The following PTPRK variants were observed in gnomAD, a reference collection of about 807,000 sequenced individuals.
The protein encoded by PTPRK is protein tyrosine phosphatase receptor type K.
PTPRK carries 75 observed loss-of-function variants against 178.0 expected under a neutral mutation model. The ratio of observed to expected loss-of-function variants is 0.42; its 90% confidence interval spans 0.35 to 0.51. The LOEUF (loss-of-function observed/expected upper bound fraction) is 0.51, where lower values mean the gene tolerates loss of function less well. PTPRK is among the 20% of genes least tolerant of loss of function. The probability of loss-of-function intolerance (pLI) is 0.02; values close to 1 mark genes in which losing one functional copy is unlikely to be tolerated. For missense variants in PTPRK, 1,441 were observed against 1,797.8 expected, an observed-to-expected ratio of 0.80 and a Z score of 3.59; for synonymous variants, 637 against 620.6, an observed-to-expected ratio of 1.03 and a Z score of -0.39.
chr6:128,500,009 A>C (rs2128436557), intron 1 of PTPRK, among the ~76,000 whole-genome samples: 1 of 152,320 alleles, frequency 6.6e-6, no homozygotes, highest in South Asian at 2.1e-4. Context: ...TAATTTTTAA[A>C]GTTATGTCCC....
In PTPRK at chr6:128,438,097, G is replaced by A. The variant is rs558794913; in HGVS notation, c.101-40409C>T. 9.9e-5 allele frequency among the ~76,000 whole-genome samples: 15 copies of A among 152,270 alleles called. 1 individual carries two copies. The highest frequency in any genetic ancestry group is 3.4e-4 in the African/African-American group (14 of 41,554). On this transcript the variant is annotated intron_variant, in intron 1 of 29. Coordinates refer to ENST00000368226, the MANE Select transcript of PTPRK (RefSeq NM_002844.4). ...TGAAAAAATATCCGGGTATATAAAC[G>A]GCCCCACGCAGTTCAAGCCCGTGTT...
chr6:128,364,530 T>C (rs1464261571), intron 2 of PTPRK, among the ~76,000 whole-genome samples: 1 of 152,064 alleles, frequency 6.6e-6, no homozygotes, highest in Non-Finnish European at 1.5e-5. Context: ...TTGCTAAGCT[T>C]TTGGTAACAT....
chr6:128,354,231 GTTTTTT>G (rs756148554), intron 2 of PTPRK, among the ~76,000 whole-genome samples: 58 of 49,370 alleles, frequency 1.2e-3, no homozygotes, highest in Non-Finnish European at 1.5e-3. Flanking sequence ...TTTTGTTTAT[GTTTTTT>G]TTTTTTTTTT....
intron 7 of PTPRK, among the ~76,000 whole-genome samples, chr6:128,151,894 C>A (rs939897479): frequency 6.6e-6 from 1 of 151,720 alleles, no homozygotes; most frequent in Admixed American, 6.6e-5. Context: ...ATCAGGGAAA[C>A]TGGGGTCAAA....
intron 7 of PTPRK, among the ~76,000 whole-genome samples, chr6:128,163,468 T>A (rs1798961582): frequency 6.6e-6 from 1 of 151,462 alleles, no homozygotes; most frequent in African/African-American, 2.4e-5. Context: ...TATTTTGCAA[T>A]TTCCCTTATA....
In PTPRK at chr6:128,005,232, T is replaced by C; in HGVS notation, c.2346A>G (p.Lys782=). 6.2e-7 allele frequency: 1 copy of C among 1,611,168 alleles called. No individual in the cohort carries two copies. Among genetic ancestry groups the C allele is most frequent in the East Asian group, 2.2e-5 (1 of 44,766 alleles). Residue 782 remains lysine (K), a synonymous_variant, in exon 15 of 30, where the codon AAA becomes AAG. Coordinates refer to ENST00000368226, the MANE Select transcript of PTPRK (RefSeq NM_002844.4). ...TATTCCCCATGGCATCTTTGCGTTTTTTAGCAAGTTTGCTGCCAAGGCAAA... is the reference window on the plus strand; with the variant it reads ...TATTCCCCATGGCATCTTTGCGTTTCTTAGCAAGTTTGCTGCCAAGGCAAA... The part of the protein sequence containing the change: ...ILIVKKSKLA[K]KRKDAMGNTR...
At chr6:128,154,639 T>C (rs540369943) in intron 7 of PTPRK, among the ~76,000 whole-genome samples, 5 of 151,872 alleles carry the variant, frequency 3.3e-5, no homozygotes, top group Admixed American at 1.3e-4. Context: ...GGAGATTTTT[T>C]TTAATGGCTC....
intron 1 of PTPRK, among the ~76,000 whole-genome samples, chr6:128,457,120 C>G (rs1848496080): frequency 6.6e-6 from 1 of 152,022 alleles, no homozygotes; most frequent in Non-Finnish European, 1.5e-5. Flanking sequence ...GGGGGAAAAT[C>G]TGCAAATATC....
At position 128,075,567 on chromosome 6, in the gene PTPRK, G is replaced by A. The variant is rs9885820; in HGVS notation, c.1883+3246C>T. Among the ~76,000 whole-genome samples the A allele has an allele frequency of 6.7e-3, 1,023 of 152,088 alleles. 12 individuals are homozygous for A. The highest frequency in any genetic ancestry group is 0.023 in the African/African-American group (956 of 41,520). On this transcript the variant is annotated intron_variant, in intron 11 of 29. Coordinates refer to ENST00000368226, the MANE Select transcript of PTPRK (RefSeq NM_002844.4). ...ATTATTGCACTTATCACACAGCATT[G>A]TTACCAGTCATTAATTTAGGAGTCT...
At chr6:128,126,827 T>C (rs1163059853) in intron 7 of PTPRK, among the ~76,000 whole-genome samples, 1 of 152,232 alleles carries the variant, frequency 6.6e-6, no homozygotes, top group Non-Finnish European at 1.5e-5. Flanking sequence ...AAGAATGTGA[T>C]TGCTGGATAG....
chr6:128,355,650 G>C (rs572661601), intron 2 of PTPRK, among the ~76,000 whole-genome samples: 1 of 152,166 alleles, frequency 6.6e-6, no homozygotes, highest in Non-Finnish European at 1.5e-5. Context: ...CTGTTGTGGG[G>C]TGGGAGGACG....
intron 1 of PTPRK, among the ~76,000 whole-genome samples, chr6:128,432,291 T>C (rs1468804795): frequency 6.6e-6 from 1 of 152,236 alleles, no homozygotes; most frequent in East Asian, 1.9e-4. Flanking sequence ...AAAAACCTGA[T>C]ACAATTAAAT....
intron 1 of PTPRK, among the ~76,000 whole-genome samples, chr6:128,403,330 T>C (rs916325177): frequency 2.0e-5 from 3 of 152,196 alleles, no homozygotes; most frequent in African/African-American, 7.2e-5. Context: ...AACATTAAAA[T>C]CCCTTATACA....
At chr6:128,203,999 G>T (rs1441252103) in intron 6 of PTPRK, among the ~76,000 whole-genome samples, 1 of 152,110 alleles carries the variant, frequency 6.6e-6, no homozygotes, top group Non-Finnish European at 1.5e-5. Flanking sequence ...AAAGCTGGAG[G>T]CATCATACTA....
At chr6:128,146,424 ATGTGTGTGTGTGTGTGTGTG>A (rs35899707) in intron 7 of PTPRK, among the ~76,000 whole-genome samples, 1 of 135,908 alleles carries the variant, frequency 7.4e-6, no homozygotes, top group African/African-American at 2.7e-5. Context: ...GTGTGTGTTT[ATGTGTGTGTGTGTGTGTGTG>A]TGTGTGTGTG....
At chr6:128,321,831 C>T in intron 3 of PTPRK, 1 of 732,670 alleles carries the variant, frequency 1.4e-6, no homozygotes, top group Non-Finnish European at 2.4e-6. Context: ...ACTTCCTCAT[C>T]AACAGGGTGG....
rs146571353 is a variant in PTPRK at position 128,453,440 on chromosome 6, G to C, written c.101-55752C>G. Among the ~76,000 whole-genome samples, 343 of 152,266 alleles carry C rather than the reference G, an allele frequency of 2.3e-3. 3 individuals are homozygous for C. Among genetic ancestry groups the C allele is most frequent in the African/African-American group, 7.6e-3 (317 of 41,550 alleles). The stretch of plus-strand genomic sequence containing the variant: ...GATTACCTACCTCATGAGGTGTTAT[G>C]AGGGTAAATAAGCTAACGATTGTAA... On this transcript the variant is annotated intron_variant, in intron 1 of 29. Transcript: ENST00000368226.
chr6:128,141,069 T>G (rs984917145), intron 7 of PTPRK, among the ~76,000 whole-genome samples: 1 of 151,980 alleles, frequency 6.6e-6, no homozygotes, highest in African/African-American at 2.4e-5. Context: ...ACAACTTGAT[T>G]TCTTCATTGG....
chr6:128,292,186 T>G (rs900975774), intron 3 of PTPRK, among the ~76,000 whole-genome samples: 1 of 152,054 alleles, frequency 6.6e-6, no homozygotes, highest in African/African-American at 2.4e-5. Flanking sequence ...ATTATTTTGC[T>G]CATAGAAAAA....
Sources: gnomAD v4.1 joint callset for allele counts (sites outside exome capture counted in the v4.1 genomes callset) on GRCh38, gnomAD v4.1.1 for gene constraint, MANE v1.5 for transcripts, NCBI Gene and HGNC (gene_info 2026-07-23, HGNC 2026-07-21) for gene names.